Variants in PSD4 observed in about 807,000 individuals in gnomAD.
PSD4 encodes PH and SEC7 domain-containing protein 4.
PSD4 carries 59 observed loss-of-function variants against 112.5 expected under a neutral mutation model. The observed-to-expected ratio is 0.52, with a 90% CI of 0.43 to 0.65. The LOEUF is 0.65. Among genes scored for constraint, PSD4 ranks in the 30% least tolerant of loss-of-function variants. PSD4 has a pLI of 0.00. For synonymous variants in PSD4, 533 were observed against 540.0 expected, an observed-to-expected ratio of 0.99 and a Z score of 0.18; for missense variants, 1,267 against 1,352.6, an observed-to-expected ratio of 0.94 and a Z score of 0.99.
At position 113,184,938 on chromosome 2, in the gene PSD4, C is replaced by G. The variant is rs373088282; in HGVS notation, c.1057-19C>G. On this transcript the variant is annotated intron_variant, in intron 2 of 16. Transcript: ENST00000245796. The stretch of plus-strand genomic sequence containing the variant: ...CCTCTCCTCTCCTTCTCTCCTCTGT[C>G]TCTCTCTCGACTTCTCAGGGAGATA... The G allele has an allele frequency of 1.7e-5, 28 of 1,613,222 alleles. No homozygotes were observed. In the African/African-American group the frequency reaches 3.6e-4, roughly 21 times the overall value.
rs190517615 is a variant in PSD4 at position 113,192,963 on chromosome 2, G to A, written c.1839-85G>A. On this transcript the variant is annotated intron_variant, in intron 6 of 16. Transcript: ENST00000245796. ...CCCTTGCTCACCCCCACCGCATAAT[G>A]TGTGCAGGCCCTGGGGGCCCCAGTG... 5.5e-4 allele frequency: 729 copies of A among 1,333,452 alleles called. 6 individuals carry two copies. In the African/African-American group the frequency reaches 9.3e-3, roughly 17 times the overall value. 82.6% of individuals were successfully genotyped at this position (1,333,452 alleles called of 1,614,324 possible).
At position 113,183,048 on chromosome 2, in the gene PSD4, G is replaced by A. The variant is rs1558887325; in HGVS notation, c.592G>A (p.Asp198Asn). Residue 198 changes from aspartate (D) to asparagine (N), a missense_variant, in exon 2 of 17, where the codon GAC becomes AAC. By Grantham distance (23) the Asp-to-Asn change is conservative. Transcript: ENST00000245796. ...CACGCCCCCTGTGGACCTCCCCGGGGACACGGGCCTGCACTCCAGCCCACC... is the reference window on the plus strand; with the variant it reads ...CACGCCCCCTGTGGACCTCCCCGGGAACACGGGCCTGCACTCCAGCCCACC... ...LPTPPVDLPG[D>N]TGLHSSPPEN... is the part of the protein sequence containing the mutation. 1.2e-6 allele frequency: 2 copies of A among 1,613,522 alleles called. No homozygotes were observed. The highest frequency in any genetic ancestry group is 1.3e-5 in the African/African-American group (1 of 75,018).
In PSD4 at chr2:113,182,656, G is replaced by T. The variant is rs1445805671; in HGVS notation, c.200G>T (p.Gly67Val). The T allele has an allele frequency of 6.2e-7, 1 of 1,613,670 alleles. No individual in the cohort carries two copies. The highest frequency in any genetic ancestry group is 8.5e-7 in the Non-Finnish European group (1 of 1,179,878). The change falls in exon 2 of 17, where the codon GGC becomes GTC. Residue 67 changes from glycine to valine, a missense_variant. Gly to Val is a moderately radical substitution (Grantham distance 109). This residue lies in a region of PSD4 where 723 missense variants were observed against 704.0 expected (regional missense o/e 1.03). Transcript: ENST00000245796. Reference protein sequence around the residue: ...EPTRQNVPPWGSGVELTHLGS... With the variant: ...EPTRQNVPPWVSGVELTHLGS... Reference sequence around the variant, plus strand: ...ACCAGACAAAATGTTCCTCCCTGGGGCTCCGGTGTGGAGCTCACACACCTG... The same window carrying T: ...ACCAGACAAAATGTTCCTCCCTGGGTCTCCGGTGTGGAGCTCACACACCTG...
At chr2:113,180,102 G>A (rs892688532) in intron 1 of PSD4, among the ~76,000 whole-genome samples, 1 of 152,184 alleles carries the variant, frequency 6.6e-6, no homozygotes, top group Admixed American at 6.5e-5. Flanking sequence ...GAAAAAAGGC[G>A]TGGGGCAAAG....
In PSD4 at chr2:113,209,322, C is replaced by T. The variant is rs1688908491; in HGVS notation, c.*7907C>T. The T allele has an allele frequency of 6.6e-6, 1 of 152,064 alleles. No homozygotes were observed. The highest frequency in any genetic ancestry group is 1.5e-5 in the Non-Finnish European group (1 of 68,036). The allele number at this position is 152,064 out of a possible 1,614,324, so 9.4% of individuals were successfully genotyped here. A position where few individuals can be genotyped will look rare whatever the true frequency, so the allele number is the denominator to read the frequency against. ...ATTTATGGCATGCATATCATATGAG[C>T]AGTCTCAAATCCTCCCCAGAACAAG... On this transcript the variant is annotated 3_prime_UTR_variant, in exon 17 of 17. Transcript: ENST00000245796.
chr2:113,188,257 T>C (rs45588332), intron 5 of PSD4, among the ~76,000 whole-genome samples: 4,634 of 152,300 alleles, frequency 0.03, 108 homozygotes, highest in South Asian at 0.093. Context: ...TTTTGTTTTG[T>C]TTTGGGACAG....
In PSD4 at chr2:113,183,411, C is replaced by G; in HGVS notation, c.955C>G (p.Pro319Ala). The G allele has an allele frequency of 6.4e-7, 1 of 1,574,322 alleles. No individual in the cohort carries two copies. ...TGCTATCAGTGGGCATTGTACCCCT[C>G]CATTCCCTGTGCCCATCTATAAACC... Reference protein sequence around the residue: ...GAAISGHCTPPFPVPIYKPHS... With the variant: ...GAAISGHCTPAFPVPIYKPHS... Residue 319 changes from proline (P) to alanine (A), a missense_variant, in exon 2 of 17, where the codon CCA becomes GCA. By Grantham distance (27) the Pro-to-Ala change is conservative. Transcript: ENST00000245796.
chr2:113,193,761 C>A, intron 9 of PSD4, 98 bp from the exon 10 acceptor site: 1 of 1,554,606 alleles, frequency 6.4e-7, no homozygotes, highest in South Asian at 1.1e-5. Flanking sequence ...GGGATGTGGG[C>A]CTGGGGAGCT....
chr2:113,191,298 C>T (rs916935744), intron 5 of PSD4, among the ~76,000 whole-genome samples: 3 of 152,160 alleles, frequency 2.0e-5, no homozygotes, highest in African/African-American at 7.2e-5. Flanking sequence ...TTCTTTTAGA[C>T]GGCATCTTGC....
intron 16 of PSD4, among the ~76,000 whole-genome samples, chr2:113,200,396 G>A (rs948023745): frequency 3.3e-5 from 5 of 152,088 alleles, no homozygotes; most frequent in African/African-American, 9.7e-5. Flanking sequence ...AGTCAACATC[G>A]CCTCCTGCCT....
intron 5 of PSD4, among the ~76,000 whole-genome samples, chr2:113,188,504 C>T (rs558108193): frequency 1.3e-4 from 20 of 152,298 alleles, no homozygotes; most frequent in East Asian, 9.6e-4. Flanking sequence ...CGAATCCACT[C>T]GCCTCAGTCT....
chr2:113,176,428 C>T (rs542427158), intron 1 of PSD4, among the ~76,000 whole-genome samples: 3 of 152,200 alleles, frequency 2.0e-5, no homozygotes, highest in Admixed American at 1.3e-4. Flanking sequence ...ACATACACCC[C>T]CTCCCCACCG....
rs1688605990 is a variant in PSD4 at position 113,196,199 on chromosome 2, G to A, written c.2278G>A (p.Gly760Ser). Residue 760 changes from glycine (G) to serine (S), a missense_variant, in exon 12 of 17, where the codon GGC (glycine) becomes AGC (serine). Transcript: ENST00000245796. ...GAAGGCCCAGCCGTCCCTGCCAGCT[G>A]GCAAGATGAGCAAGCCCTTCCTTCA... ...PEKAQPSLPA[G>S]KMSKPFLQLA... is the part of the protein sequence containing the mutation. 6.2e-7 allele frequency: 1 copy of A among 1,613,872 alleles called. No homozygotes were observed. The highest frequency in any genetic ancestry group is 2.2e-5 in the East Asian group (1 of 44,886).
intron 14 of PSD4, 95 bp from the exon 15 acceptor site, chr2:113,198,645 C>A: frequency 1.4e-6 from 2 of 1,404,370 alleles, no homozygotes; most frequent in Non-Finnish European, 1.9e-6. Flanking sequence ...TTCTGAGCAG[C>A]TGGCCAGCTG....
At position 113,188,847 on chromosome 2, in the gene PSD4, C is replaced by T. The variant is rs564440041; in HGVS notation, c.1628+2592C>T. On this transcript the variant is annotated intron_variant, in intron 5 of 16. Transcript: ENST00000245796. ...CCTCCTAAAGTGCTGGGATTATAGG[C>T]GTGAGCCACCACGCCCTGCCTATTT... Among the ~76,000 whole-genome samples, 77 of 152,316 alleles carry T rather than the reference C, an allele frequency of 5.1e-4. No homozygotes were observed. The East Asian group carries it at 6.0e-3, about 12-fold the overall frequency.
In PSD4 at chr2:113,206,630, T is replaced by C. The variant is rs577640182; in HGVS notation, c.*5215T>C. The C allele has an allele frequency of 6.6e-6, 1 of 152,414 alleles. No homozygotes were observed. The highest frequency in any genetic ancestry group is 2.4e-5 in the African/African-American group (1 of 41,602). 9.4% of individuals were successfully genotyped at this position (152,414 alleles called of 1,614,324 possible). ...AAAATGGGGATAATAACACTACTTA[T>C]GTCACAAGGTCCTCATGAAGATTAA... On this transcript the variant is annotated 3_prime_UTR_variant, in exon 17 of 17. Transcript: ENST00000245796.
At chr2:113,178,943 G>T (rs1207251049) in intron 1 of PSD4, among the ~76,000 whole-genome samples, 3 of 152,178 alleles carry the variant, frequency 2.0e-5, no homozygotes, top group Non-Finnish European at 4.4e-5. Context: ...TAGAGCTAGG[G>T]ATGTCCTATG....
intron 5 of PSD4, 75 bp downstream of exon 5, chr2:113,186,330 G>T (rs1452250029): frequency 1.4e-6 from 2 of 1,431,062 alleles, no homozygotes; most frequent in Non-Finnish European, 9.4e-7. Context: ...TGGATGGAGG[G>T]TGAGAAATGC....
chr2:113,185,919 C>T lies in PSD4; in HGVS notation c.1292C>T (p.Thr431Ile), dbSNP rs1688286826. 1.2e-6 allele frequency: 2 copies of T among 1,613,560 alleles called. No individual in the cohort carries two copies. Among genetic ancestry groups the T allele is most frequent in the East Asian group, 4.5e-5 (2 of 44,874 alleles). ...GGHPQESLPC[T>I]LAPCPWRSPA... ...CACCCCCAGGAATCTCTTCCCTGCACCTTGGCCCCCTGCCCCTGGAGGAGC... is the reference window on the plus strand; with the variant it reads ...CACCCCCAGGAATCTCTTCCCTGCATCTTGGCCCCCTGCCCCTGGAGGAGC... The change falls in exon 5 of 17, where the codon ACC (threonine) becomes ATC (isoleucine). Residue 431 changes from threonine to isoleucine, a missense_variant. Transcript: ENST00000245796.
Sources: gnomAD v4.1 joint callset for allele counts (sites outside exome capture counted in the v4.1 genomes callset) on GRCh38, gnomAD v4.1.1 for gene constraint, gnomAD v4.1.1 regional missense constraint, MANE v1.5 for transcripts, NCBI Gene and HGNC (gene_info 2026-07-23, HGNC 2026-07-21) for gene names.